RGS7: variants seen among roughly 807,000 people sequenced by gnomAD.
RGS7 encodes regulator of G-protein signaling 7.
Under a neutral mutation model 81.1 loss-of-function variants are expected in RGS7, and 27 were observed. The observed-to-expected ratio is 0.33, with a 90% CI of 0.25 to 0.46. RGS7 has a LOEUF of 0.46. Among genes scored for constraint, RGS7 ranks in the 20% least tolerant of loss-of-function variants. RGS7 has a pLI of 1.00. For missense variants in RGS7, 396 were observed against 607.4 expected, an observed-to-expected ratio of 0.65 and a Z score of 3.66; for synonymous variants, 208 against 207.7, an observed-to-expected ratio of 1.00 and a Z score of -0.01.
chr1:241,071,884 A>AAAAAAAAAAAAAAAAAAAAC (rs2062482522), intron 3 of RGS7, among the ~76,000 whole-genome samples: 1 of 147,824 alleles, frequency 6.8e-6, no homozygotes, highest in Admixed American at 6.8e-5. Context: ...CAAAAAAAAA[A>AAAAAAAAAAAAAAAAAAAAC]AAAAAAAAAA....
At chr1:241,161,690 C>T (rs924401377) in intron 2 of RGS7, among the ~76,000 whole-genome samples, 1 of 149,270 alleles carries the variant, frequency 6.7e-6, no homozygotes, top group Non-Finnish European at 1.5e-5. Flanking sequence ...ATGTACATTA[C>T]ATCTCATGTA....
intron 3 of RGS7, among the ~76,000 whole-genome samples, chr1:241,068,650 C>T (rs2062239315): frequency 6.6e-6 from 1 of 152,002 alleles, no homozygotes; most frequent in Non-Finnish European, 1.5e-5. Flanking sequence ...CTCACATCAT[C>T]TTTTCTCGAG....
At chr1:241,087,497 C>G (rs576158821) in intron 3 of RGS7, among the ~76,000 whole-genome samples, 2 of 152,142 alleles carry the variant, frequency 1.3e-5, no homozygotes, top group Admixed American at 6.6e-5. Context: ...GTTAGATGCT[C>G]TTTATGGTAC....
At position 240,954,544 on chromosome 1, in the gene RGS7, T is replaced by C. The variant is rs1405921541; in HGVS notation, c.227-17838A>G. Among the ~76,000 whole-genome samples the C allele has an allele frequency of 4.0e-5, 3 of 74,244 alleles. No individual in the cohort carries two copies. The South Asian group carries it at 1.5e-3, about 38-fold the overall frequency. The allele number at this position is 74,244 out of a possible 152,430, so 48.7% of individuals were successfully genotyped here. ...GAAATCATTAGACAGAATCCAAAAC[T>C]TATCCATGTAAAAGAAAAAAAAACT... On this transcript the variant is annotated intron_variant, in intron 4 of 18. Transcript: ENST00000440928.
chr1:241,105,997 C>T (rs1413809445), intron 2 of RGS7, among the ~76,000 whole-genome samples: 1 of 152,152 alleles, frequency 6.6e-6, no homozygotes, highest in Non-Finnish European at 1.5e-5. Context: ...CACTGAAGCG[C>T]TTCTTGGATT....
intron 6 of RGS7, among the ~76,000 whole-genome samples, chr1:240,929,130 G>A (rs953785525): frequency 2.6e-5 from 4 of 152,314 alleles, no homozygotes; most frequent in South Asian, 2.1e-4. Context: ...CACGCCTAAA[G>A]TCACACAGTT....
chr1:241,002,577 C>A (rs1332446437), intron 3 of RGS7, among the ~76,000 whole-genome samples: 2 of 152,104 alleles, frequency 1.3e-5, no homozygotes, highest in Admixed American at 1.3e-4. Context: ...TTTATATTTA[C>A]TGATATTAGA....
chr1:241,191,801 G>A (rs774855099), intron 2 of RGS7, among the ~76,000 whole-genome samples: 6 of 152,132 alleles, frequency 3.9e-5, no homozygotes, highest in Non-Finnish European at 7.4e-5. Context: ...TCAAATTCTC[G>A]ATTTCATGTT....
At chr1:240,922,164 C>T (rs1207865541) in intron 6 of RGS7, among the ~76,000 whole-genome samples, 6 of 151,734 alleles carry the variant, frequency 4.0e-5, no homozygotes, top group Non-Finnish European at 8.8e-5. Flanking sequence ...ACAACTAGAC[C>T]TCTACATGCA....
intron 9 of RGS7, among the ~76,000 whole-genome samples, chr1:240,863,379 G>A (rs756559574): frequency 1.2e-4 from 18 of 152,150 alleles, no homozygotes; most frequent in Admixed American, 6.5e-4. Flanking sequence ...GGAGGCTGAG[G>A]CAGGAGAATT....
intron 2 of RGS7, among the ~76,000 whole-genome samples, chr1:241,106,725 A>C (rs112131264): frequency 0.19 from 25,288 of 133,310 alleles, 3,013 homozygotes; most frequent in African/African-American, 0.36. Flanking sequence ...CCAAAAAAAA[A>C]AAAAAAAAAA....
chr1:241,227,414 C>T (rs1257184523), intron 2 of RGS7, among the ~76,000 whole-genome samples: 5 of 151,872 alleles, frequency 3.3e-5, no homozygotes, highest in African/African-American at 4.8e-5. Flanking sequence ...GCAATTGGTA[C>T]GGAGCCTGAA....
intron 9 of RGS7, among the ~76,000 whole-genome samples, chr1:240,848,486 C>A (rs562694443): frequency 8.1e-4 from 123 of 151,666 alleles, no homozygotes; most frequent in Admixed American, 4.1e-3. Flanking sequence ...ATAATAAGAC[C>A]AAAAAATAAT....
chr1:241,306,667 C>G (rs529375784), intron 2 of RGS7, among the ~76,000 whole-genome samples: 122 of 151,630 alleles, frequency 8.0e-4, no homozygotes, highest in African/African-American at 2.8e-3. Flanking sequence ...AATACATGTC[C>G]ACCCAACACA....
In RGS7 at chr1:241,030,373, T is replaced by TATATATATATACAC. The variant is rs374223475; in HGVS notation, c.176-47245_176-47244insGTGTATATATATAT. Among the ~76,000 whole-genome samples, 174 of 135,230 alleles carry TATATATATATACAC rather than the reference T, an allele frequency of 1.3e-3. 1 individual carries two copies. Among genetic ancestry groups the TATATATATATACAC allele is most frequent in the Middle Eastern group, 0.012 (3 of 250 alleles). 88.7% of individuals were successfully genotyped at this position (135,230 alleles called of 152,430 possible). On this transcript the variant is annotated intron_variant, in intron 3 of 18. Transcript: ENST00000440928. ...CCAGAACTTATAGCATATATATATA[T>TATATATATATACAC]ACATACACACATACATACACACACA... is the stretch of plus-strand genomic sequence containing the variant.
At chr1:241,239,705 C>A (rs142533244) in intron 2 of RGS7, among the ~76,000 whole-genome samples, 1 of 152,120 alleles carries the variant, frequency 6.6e-6, no homozygotes, top group Non-Finnish European at 1.5e-5. Context: ...GGAACAGTGG[C>A]GACAGCAGCA....
intron 2 of RGS7, among the ~76,000 whole-genome samples, chr1:241,250,347 TG>T: frequency 6.6e-6 from 1 of 152,342 alleles, no homozygotes; most frequent in East Asian, 1.9e-4. Flanking sequence ...CAAGCATTTA[TG>T]GTTCAATTGT....
chr1:241,247,925 ACTCT>A (rs2076629440), intron 2 of RGS7, among the ~76,000 whole-genome samples: 1 of 152,036 alleles, frequency 6.6e-6, no homozygotes, highest in African/African-American at 2.4e-5. Context: ...GATGTAAATA[ACTCT>A]CTATATGGTC....
chr1:241,260,542 G>A (rs2077276354), intron 2 of RGS7, among the ~76,000 whole-genome samples: 1 of 152,194 alleles, frequency 6.6e-6, no homozygotes, highest in Non-Finnish European at 1.5e-5. Flanking sequence ...AGAGTAAGGT[G>A]TGATTCAGTT....
Sources: gnomAD v4.1 joint callset for allele counts (sites outside exome capture counted in the v4.1 genomes callset) on GRCh38, gnomAD v4.1.1 for gene constraint, MANE v1.5 for transcripts, NCBI Gene and HGNC (gene_info 2026-07-23, HGNC 2026-07-21) for gene names.